The following IPO7 variants were observed in gnomAD, a reference collection of about 807,000 sequenced individuals.
The protein encoded by IPO7 is importin 7.
In IPO7, 13 loss-of-function variants were observed where a neutral mutation model predicts 136.4. The observed-to-expected ratio is 0.10, with a 90% confidence interval of 0.06 to 0.15. The LOEUF (loss-of-function observed/expected upper bound fraction) is 0.15, where lower values mean the gene tolerates loss of function less well. Ranked by LOEUF, IPO7 falls within the 10% of genes least tolerant of loss-of-function variation. The probability of loss-of-function intolerance (pLI) is 1.00; values close to 1 mark genes in which losing one functional copy is unlikely to be tolerated. For synonymous variants in IPO7, 403 were observed against 404.4 expected (o/e 1.00, Z 0.04); for missense variants, 857 against 1,240.6 (o/e 0.69, Z 4.65).
At chr11:9,436,868 ATTTTTTTTTTTTTTT>A (rs869227367) in intron 20 of IPO7, among the ~76,000 whole-genome samples, 6 of 18,226 alleles carry the variant, frequency 3.3e-4, no homozygotes, top group African/African-American at 1.1e-3. Flanking sequence ...ATATATATAT[ATTTTTTTTTTTTTTT>A]TTTTTTTTTT....
intron 24 of IPO7, among the ~76,000 whole-genome samples, chr11:9,444,623 C>T (rs567811981): frequency 6.6e-6 from 1 of 151,562 alleles, no homozygotes; most frequent in East Asian, 2.0e-4. Flanking sequence ...CACTTGAGGT[C>T]GGGAGTTCTA....
At chr11:9,392,946 CAAA>C (rs34911529) in intron 1 of IPO7, among the ~76,000 whole-genome samples, 11 of 100,246 alleles carry the variant, frequency 1.1e-4, no homozygotes, top group Admixed American at 1.1e-4. Context: ...GACTCTGTCT[CAAA>C]AAAAAAAAAA....
At chr11:9,408,703 G>GTTTTTTTTTT in intron 3 of IPO7, 64 bp downstream of exon 3, 1 of 411,318 alleles carries the variant, frequency 2.4e-6, no homozygotes, top group South Asian at 7.3e-5. Context: ...TTTGTTTTTT[G>GTTTTTTTTTT]GTTTTTTTTT....
At chr11:9,414,582 T>A in intron 5 of IPO7, 171 bp downstream of exon 5, 1 of 273,254 alleles carries the variant, frequency 3.7e-6, no homozygotes, top group African/African-American at 2.3e-5. Flanking sequence ...TAAACAAGCA[T>A]ACTTCCTCCC....
intron 1 of IPO7, chr11:9,402,657 A>C (rs954814038): frequency 1.3e-5 from 2 of 152,412 alleles, no homozygotes; most frequent in Non-Finnish European, 2.9e-5. Flanking sequence ...CAGGAGTTCG[A>C]GACCAGCCTG....
At position 9,430,994 on chromosome 11, in the gene IPO7, T is replaced by C. The variant is rs375869453; in HGVS notation, c.1872T>C (p.Asp624=). The change falls in exon 16 of 25, where the codon GAT becomes GAC. Residue 624 remains aspartate (D), a synonymous_variant. Transcript: ENST00000379719. Reference sequence around the variant, plus strand: ...ATACACTTCTTAGTGTAGTTGAAGATCATAAAGAGGTAAGAAGATGATCTA... The same window carrying C: ...ATACACTTCTTAGTGTAGTTGAAGACCATAAAGAGGTAAGAAGATGATCTA... The part of the protein sequence containing the change: ...TIDTLLSVVE[D]HKEITQQLEG... The C allele has an allele frequency of 2.2e-5, 35 of 1,613,012 alleles. No homozygotes were observed. The African/African-American group carries it at 3.6e-4, about 17-fold the overall frequency.
chr11:9,387,913 C>T (rs1590422539), intron 1 of IPO7, among the ~76,000 whole-genome samples: 1 of 146,104 alleles, frequency 6.8e-6, no homozygotes, highest in East Asian at 2.1e-4. Flanking sequence ...TTTGGGAGTC[C>T]GAGGCGGGCG....
At position 9,384,653 on chromosome 11, in the gene IPO7, C is replaced by A. The variant is rs964190188; in HGVS notation, c.-111C>A. ...TCCGGGGCCTTGGCGCTTCTCTTTC[C>A]TTTCGCGCCGGTTGCCGCTGCGGAG... On this transcript the variant is annotated 5_prime_UTR_variant, in exon 1 of 25. Coordinates refer to ENST00000379719, the MANE Select transcript of IPO7 (RefSeq NM_006391.3). 7.7e-6 allele frequency: 7 copies of A among 912,076 alleles called. No homozygotes were observed. Among genetic ancestry groups the A allele is most frequent in the Non-Finnish European group, 1.2e-5 (7 of 604,672 alleles). The allele number at this position is 912,076 out of a possible 1,614,324, so 56.5% of individuals were successfully genotyped here.
At chr11:9,430,800 G>A in intron 15 of IPO7, 75 bp from the exon 16 acceptor site, 1 of 1,260,842 alleles carries the variant, frequency 7.9e-7, no homozygotes, top group East Asian at 2.4e-5. Context: ...AACGTTCTAA[G>A]AATTAAAAGT....
In IPO7 at chr11:9,420,631, A is replaced by G. The variant is rs182612241; in HGVS notation, c.839A>G (p.Asn280Ser). Residue 280 changes from asparagine (N) to serine (S), a missense_variant, in exon 8 of 25, where the codon AAT (asparagine) becomes AGT (serine). Asn to Ser is a conservative substitution (Grantham distance 46, BLOSUM62 1). This residue lies in a region of IPO7 where 287 missense variants were observed against 307.5 expected (regional missense o/e 0.93). Transcript: ENST00000379719. ...TCTTTTAGATATGGAAGCCCTGGCA[A>G]TGTTTCCAAGGAGTATAATGAATTT... Reference protein sequence around the residue: ...RLFERYGSPGNVSKEYNEFAE... With the variant: ...RLFERYGSPGSVSKEYNEFAE... 7.4e-6 allele frequency: 12 copies of G among 1,612,870 alleles called. No individual in the cohort carries two copies. Among genetic ancestry groups the G allele is most frequent in the East Asian group, 4.5e-5 (2 of 44,852 alleles).
intron 3 of IPO7, among the ~76,000 whole-genome samples, chr11:9,408,860 C>A (rs1349878719): frequency 6.6e-6 from 1 of 150,986 alleles, no homozygotes; most frequent in African/African-American, 2.4e-5. Context: ...ATTACAGGCA[C>A]ATGGCACCAC....
chr11:9,429,823 A>G lies in IPO7; in HGVS notation c.1741A>G (p.Thr581Ala). Residue 581 changes from threonine (T) to alanine (A), a missense_variant, in exon 15 of 25, where the codon ACA (threonine) becomes GCA (alanine). Thr to Ala is a moderately conservative substitution (Grantham distance 58). Transcript: ENST00000379719. ...AGTTACTCCTATTGCAGTAGAAATG[A>G]CACAACATTTGGTATGTTGTTTGAA... ...EEVTPIAVEM[T>A]QHLAMTFNQV... The G allele has an allele frequency of 6.3e-7, 1 of 1,593,756 alleles. No individual in the cohort carries two copies. The highest frequency in any genetic ancestry group is 8.5e-7 in the Non-Finnish European group (1 of 1,173,030).
chr11:9,406,612 T>C (rs1854891544), intron 2 of IPO7, among the ~76,000 whole-genome samples: 1 of 152,210 alleles, frequency 6.6e-6, no homozygotes, highest in Non-Finnish European at 1.5e-5. Context: ...GGCTCACACC[T>C]GTAATCCCAG....
chr11:9,400,664 C>A (rs1160927079), intron 1 of IPO7, among the ~76,000 whole-genome samples: 1 of 151,646 alleles, frequency 6.6e-6, no homozygotes, highest in South Asian at 2.1e-4. Context: ...CCTCGTGGTC[C>A]GCCCGCCTCG....
chr11:9,404,565 T>G (rs1854851148), intron 2 of IPO7, among the ~76,000 whole-genome samples: 1 of 25,492 alleles, frequency 3.9e-5, no homozygotes, highest in Non-Finnish European at 1.1e-4. Context: ...GTCTTCGGAT[T>G]TTTTTTTTTT....
intron 9 of IPO7, among the ~76,000 whole-genome samples, chr11:9,423,507 T>C (rs1855162647): frequency 6.6e-6 from 1 of 152,190 alleles, no homozygotes; most frequent in Non-Finnish European, 1.5e-5. Context: ...TTATGTGCTT[T>C]ATTTAGAGCT....
intron 1 of IPO7, chr11:9,402,914 G>A (rs1354965355): frequency 2.7e-5 from 6 of 222,444 alleles, no homozygotes; most frequent in South Asian, 1.2e-4. Flanking sequence ...TCAGCTACCC[G>A]GGAGGCTGAG....
intron 16 of IPO7, among the ~76,000 whole-genome samples, chr11:9,431,381 C>T (rs557531741): frequency 6.6e-6 from 1 of 152,022 alleles, no homozygotes; most frequent in East Asian, 1.9e-4. Context: ...AGTATATTCA[C>T]ATTGTTATGC....
At chr11:9,390,019 G>A (rs1361058098) in intron 1 of IPO7, among the ~76,000 whole-genome samples, 2 of 152,072 alleles carry the variant, frequency 1.3e-5, no homozygotes, top group South Asian at 4.1e-4. Flanking sequence ...GCCTCCCAAA[G>A]TCTTGGGATT....
Sources: gnomAD v4.1 joint callset for allele counts (sites outside exome capture counted in the v4.1 genomes callset) on GRCh38, gnomAD v4.1.1 for gene constraint, gnomAD v4.1.1 regional missense constraint, MANE v1.5 for transcripts, NCBI Gene and HGNC (gene_info 2026-07-23, HGNC 2026-07-21) for gene names.